The following ADCY8 variants were observed in gnomAD, a reference collection of about 807,000 sequenced individuals.
ADCY8 encodes the protein adenylate cyclase 8, also known as adenylate cyclase type 8.
ADCY8 carries 51 observed loss-of-function variants against 119.7 expected under a neutral mutation model. The observed-to-expected ratio is 0.43, with a 90% CI of 0.34 to 0.54. The LOEUF is 0.54. ADCY8 is among the 20% of genes least tolerant of loss of function. The pLI, the probability that ADCY8 is intolerant of heterozygous loss-of-function variation, is 0.03. For missense variants in ADCY8, 1,383 were observed against 1,598.8 expected (o/e 0.87, Z 2.30); for synonymous variants, 665 against 651.0 (o/e 1.02, Z -0.33).
chr8:131,002,204 A>G (rs914990557), intron 1 of ADCY8, among the ~76,000 whole-genome samples: 3 of 152,248 alleles, frequency 2.0e-5, no homozygotes, highest in African/African-American at 7.2e-5. Context: ...TGAAATTAGC[A>G]GAAGACCTGT....
In ADCY8 at chr8:130,808,029, G is replaced by T. The variant is rs867787753; in HGVS notation, c.2913+6040C>A. The stretch of plus-strand genomic sequence containing the variant: ...AAAAAAAAAAAAAAAAAATTGGCCA[G>T]TATCAAGTATTTGGTTATAACAGCA... On this transcript the variant is annotated intron_variant, in intron 14 of 17. Coordinates refer to ENST00000286355, the MANE Select transcript of ADCY8 (RefSeq NM_001115.3). Among the ~76,000 whole-genome samples the T allele has an allele frequency of 1.6e-3, 208 of 128,476 alleles. 1 individual carries two copies. Among genetic ancestry groups the T allele is most frequent in the African/African-American group, 5.3e-3 (187 of 35,004 alleles). The allele number at this position is 128,476 out of a possible 152,430, so 84.3% of individuals were successfully genotyped here.
intron 9 of ADCY8, among the ~76,000 whole-genome samples, chr8:130,853,974 A>T (rs1043108271): frequency 6.6e-6 from 1 of 152,186 alleles, no homozygotes; most frequent in Non-Finnish European, 1.5e-5. Flanking sequence ...AAATTTAAAG[A>T]AATGTTAGTT....
Position 130,965,533 on chromosome 8 carries a change from A to G in ADCY8, c.1111-13535T>C, listed in dbSNP as rs1356259692. On this transcript the variant is annotated intron_variant, in intron 2 of 17. Coordinates refer to ENST00000286355, the MANE Select transcript of ADCY8 (RefSeq NM_001115.3). Reference sequence around the variant, plus strand: ...TAAACCTGTGGTATGTGCCTACATCATCAGGCTACATCATGAGAGTCACAC... The same window carrying G: ...TAAACCTGTGGTATGTGCCTACATCGTCAGGCTACATCATGAGAGTCACAC... 8.5e-5 allele frequency among the ~76,000 whole-genome samples: 13 copies of G among 152,376 alleles called. No individual in the cohort carries two copies. In the East Asian group the frequency reaches 2.5e-3, roughly 29 times the overall value.
chr8:130,876,467 A>G (rs1179412447), intron 8 of ADCY8, among the ~76,000 whole-genome samples: 3 of 136,026 alleles, frequency 2.2e-5, no homozygotes, highest in Non-Finnish European at 5.0e-5. Flanking sequence ...ACACAGTTCA[A>G]CGGTGGTTCG....
chr8:130,834,840 ATG>A (rs896012070), intron 12 of ADCY8, among the ~76,000 whole-genome samples: 3 of 152,140 alleles, frequency 2.0e-5, no homozygotes, highest in African/African-American at 7.2e-5. Flanking sequence ...GTGTGTATAT[ATG>A]TGTGTATGTA....
chr8:130,785,487 C>G lies in ADCY8; in HGVS notation c.3061-12G>C. 6.3e-7 allele frequency: 1 copy of G among 1,599,910 alleles called. No individual in the cohort carries two copies. Among genetic ancestry groups the G allele is most frequent in the Non-Finnish European group, 8.5e-7 (1 of 1,171,856 alleles). On this transcript the variant is annotated splice_polypyrimidine_tract_variant and intron_variant, in intron 15 of 17. Coordinates refer to ENST00000286355, the MANE Select transcript of ADCY8 (RefSeq NM_001115.3). ...TCTTCACCAAGCAACTGAAAGAGAG[C>G]CAGGCAATGGTGTTAGCCCTGGTGT...
At chr8:130,988,173 A>G (rs1442013262) in intron 2 of ADCY8, among the ~76,000 whole-genome samples, 3 of 152,198 alleles carry the variant, frequency 2.0e-5, no homozygotes, top group Admixed American at 2.0e-4. Flanking sequence ...TTTCTGCCAG[A>G]CTACACTGTC....
intron 5 of ADCY8, among the ~76,000 whole-genome samples, chr8:130,924,117 C>T (rs773528042): frequency 1.8e-4 from 28 of 152,168 alleles, no homozygotes; most frequent in East Asian, 5.8e-4. Flanking sequence ...CTAAGATAGA[C>T]GGCTTTGAAG....
At chr8:130,788,097 T>A (rs1815314586) in intron 15 of ADCY8, among the ~76,000 whole-genome samples, 1 of 152,204 alleles carries the variant, frequency 6.6e-6, no homozygotes, top group African/African-American at 2.4e-5. Context: ...ATACAATATT[T>A]CCCTTCATTT....
At chr8:130,905,831 T>C (rs2130537750) in intron 6 of ADCY8, among the ~76,000 whole-genome samples, 1 of 152,308 alleles carries the variant, frequency 6.6e-6, no homozygotes, top group South Asian at 2.1e-4. Flanking sequence ...CTGCACTTCA[T>C]TCTGGAGGAC....
At chr8:130,993,475 T>C (rs1168116765) in intron 1 of ADCY8, among the ~76,000 whole-genome samples, 2 of 152,208 alleles carry the variant, frequency 1.3e-5, no homozygotes, top group Non-Finnish European at 2.9e-5. Flanking sequence ...GAAACATTGA[T>C]ATGGTTTGGC....
chr8:130,794,476 C>T (rs953038744), intron 15 of ADCY8, among the ~76,000 whole-genome samples: 4 of 152,146 alleles, frequency 2.6e-5, no homozygotes, highest in African/African-American at 9.7e-5. Context: ...GAACTCCTGA[C>T]CTCGTGATCC....
At chr8:130,852,068 C>T (rs1409081796) in intron 9 of ADCY8, among the ~76,000 whole-genome samples, 5 of 152,036 alleles carry the variant, frequency 3.3e-5, no homozygotes, top group Admixed American at 1.3e-4. Context: ...GAGAAGACAG[C>T]AAAGGGAGTT....
intron 14 of ADCY8, 34 bp from the exon 15 acceptor site, chr8:130,800,606 G>A (rs369570146): frequency 8.6e-5 from 138 of 1,611,380 alleles, no homozygotes; most frequent in Admixed American, 2.8e-4. Context: ...ACCAGAAATG[G>A]TCATCAGAGG....
intron 7 of ADCY8, among the ~76,000 whole-genome samples, chr8:130,902,234 A>C (rs1278257951): frequency 6.6e-6 from 1 of 152,192 alleles, no homozygotes; most frequent in Non-Finnish European, 1.5e-5. Flanking sequence ...TAATCAGCAT[A>C]CAGACCCAAG....
At chr8:130,919,881 C>T (rs1340502999) in intron 5 of ADCY8, among the ~76,000 whole-genome samples, 1 of 152,150 alleles carries the variant, frequency 6.6e-6, no homozygotes, top group Non-Finnish European at 1.5e-5. Context: ...GTCACTTCAA[C>T]TATCCTCCAG....
chr8:130,913,304 C>A (rs571753755), intron 5 of ADCY8, among the ~76,000 whole-genome samples: 1 of 151,864 alleles, frequency 6.6e-6, no homozygotes, highest in South Asian at 2.1e-4. Flanking sequence ...CTATTTTTTT[C>A]TACCCATTAA....
At chr8:131,008,136 C>T (rs1387342488) in intron 1 of ADCY8, among the ~76,000 whole-genome samples, 1 of 152,084 alleles carries the variant, frequency 6.6e-6, no homozygotes, top group African/African-American at 2.4e-5. Flanking sequence ...AATAGGGATG[C>T]AACGTCACCC....
At chr8:130,813,035 C>T (rs1391336099) in intron 14 of ADCY8, among the ~76,000 whole-genome samples, 1 of 151,402 alleles carries the variant, frequency 6.6e-6, no homozygotes, top group Admixed American at 6.6e-5. Context: ...GCAACCTCTG[C>T]CCCCCAGGTT....
Sources: allele counts gnomAD v4.1 joint callset (sites outside exome capture counted in the v4.1 genomes callset), GRCh38; gene constraint gnomAD v4.1.1; transcripts MANE v1.5; gene names NCBI Gene and HGNC (gene_info 2026-07-23, HGNC 2026-07-21).